Variants in COL6A6 observed in about 807,000 individuals in gnomAD.
COL6A6 encodes the protein collagen type VI alpha 6 chain, also known as collagen alpha-6(VI) chain.
In COL6A6, 183 loss-of-function variants were observed where a neutral mutation model predicts 208.6. The ratio of observed to expected loss-of-function variants is 0.88; its 90% confidence interval spans 0.78 to 0.99. The LOEUF is 0.99. COL6A6 is among the 50% of genes least tolerant of loss of function. The pLI, the probability that COL6A6 is intolerant of heterozygous loss-of-function variation, is 0.00. For missense variants in COL6A6, 2,816 were observed against 2,815.2 expected, an observed-to-expected ratio of 1.00 and a Z score of -0.01; for synonymous variants, 973 against 1,011.8, an observed-to-expected ratio of 0.96 and a Z score of 0.73.
In COL6A6 at chr3:130,567,213, A is replaced by G; in HGVS notation, c.1794A>G (p.Ala598=). 6.2e-7 allele frequency: 1 copy of G among 1,613,116 alleles called. No individual in the cohort carries two copies. ...TGTATTACGTGCATGACTTTGATGC[A>G]TTGAAAGACATAAGAAACCAAGTTG... ...KRVYYVHDFD[A]LKDIRNQVVQ... The change falls in exon 5 of 37, where the codon GCA becomes GCG. Residue 598 remains alanine, a synonymous_variant. Transcript: ENST00000358511.
intron 29 of COL6A6, among the ~76,000 whole-genome samples, chr3:130,642,442 ACTT>A (rs1308018908): frequency 6.6e-6 from 1 of 152,042 alleles, no homozygotes; most frequent in Non-Finnish European, 1.5e-5. Flanking sequence ...AGACCTTGAA[ACTT>A]CTGCTATGAA....
intron 20 of COL6A6, among the ~76,000 whole-genome samples, chr3:130,601,489 A>G (rs1263829050): frequency 6.6e-6 from 1 of 152,214 alleles, no homozygotes; most frequent in African/African-American, 2.4e-5. Flanking sequence ...TTCACTTTCT[A>G]AAAGGGTGTA....
rs753445066 is a variant in COL6A6, at chr3:130,563,429, G to A, written c.426G>A (p.Glu142=). 1.9e-6 allele frequency: 3 copies of A among 1,613,902 alleles called. No individual in the cohort carries two copies. Among genetic ancestry groups the A allele is most frequent in the Non-Finnish European group, 2.5e-6 (3 of 1,179,906 alleles). ...PPILVVLASS[E]SEDNVEEASK... ...TTCTAGTGGTCCTGGCTTCATCTGA[G>A]TCTGAGGATAATGTGGAAGAGGCAT... is the stretch of plus-strand genomic sequence containing the variant. The change falls in exon 3 of 37, where the codon GAG becomes GAA. Residue 142 remains glutamate (E), a synonymous_variant. Transcript: ENST00000358511.
rs2062999374 is a variant in COL6A6, at chr3:130,565,581, G to C, written c.1249G>C (p.Val417Leu). 6.2e-7 allele frequency: 1 copy of C among 1,613,344 alleles called. No homozygotes were observed. The highest frequency in any genetic ancestry group is 1.3e-5 in the African/African-American group (1 of 74,952). Residue 417 changes from valine (V) to leucine (L), a missense_variant, in exon 4 of 37, where the codon GTC becomes CTC. Transcript: ENST00000358511. Reference protein sequence around the residue: ...LRNQITHTVSVFSERTETLKS... With the variant: ...LRNQITHTVSLFSERTETLKS... ...GAACCAAATAACACACACAGTCTCT[G>C]TCTTTTCAGAGAGGACTGAAACGCT...
At position 130,644,984 on chromosome 3, in the gene COL6A6, T is replaced by C. The variant is rs2065426131; in HGVS notation, c.5228-7T>C. 1 of 1,611,736 alleles carries C rather than the reference T, an allele frequency of 6.2e-7. No homozygotes were observed. The highest frequency in any genetic ancestry group is 8.5e-7 in the Non-Finnish European group (1 of 1,178,042). Reference sequence around the variant, plus strand: ...ATAATCCAATCTCCTTTGTTCTTCTTCCCCAGCTGGCAGGCATGGTGAGTA... The same window carrying C: ...ATAATCCAATCTCCTTTGTTCTTCTCCCCCAGCTGGCAGGCATGGTGAGTA... On this transcript the variant is annotated splice_polypyrimidine_tract_variant and splice_region_variant and intron_variant, in intron 31 of 36. Transcript: ENST00000358511.
In COL6A6 at chr3:130,586,649, T is replaced by C; in HGVS notation, c.4114T>C (p.Ser1372Pro). The C allele has an allele frequency of 6.2e-7, 1 of 1,612,214 alleles. No individual in the cohort carries two copies. Among genetic ancestry groups the C allele is most frequent in the Non-Finnish European group, 8.5e-7 (1 of 1,179,320 alleles). Residue 1372 changes from serine to proline, a missense_variant, in exon 11 of 37, where the codon TCA (serine) becomes CCA (proline). By Grantham distance (74) the Ser-to-Pro change is moderately conservative (BLOSUM62 -1). Transcript: ENST00000358511. Reference protein sequence around the residue: ...IGMRELGSRLSKQLVNVAERT... With the variant: ...IGMRELGSRLPKQLVNVAERT... ...CATGAGAGAACTTGGAAGCCGGCTG[T>C]CAAAGCAGCTGGTAAGTTATTCTGA...
intron 3 of COL6A6, 26 bp downstream of exon 3, chr3:130,563,690 A>G (rs2062949527): frequency 6.9e-7 from 1 of 1,459,306 alleles, no homozygotes; most frequent in Non-Finnish European, 9.4e-7. Context: ...GTGTATAGGA[A>G]TGATGATAAA....
chr3:130,547,279 C>T (rs958567484), intron 1 of COL6A6, among the ~76,000 whole-genome samples: 2 of 152,262 alleles, frequency 1.3e-5, no homozygotes, highest in African/African-American at 4.8e-5. Flanking sequence ...GGACCCAGCG[C>T]CCCCTCTGCA....
At chr3:130,634,722 T>G in intron 27 of COL6A6, 97 bp downstream of exon 27, 2 of 856,450 alleles carry the variant, frequency 2.3e-6, no homozygotes, top group Non-Finnish European at 3.7e-6. Flanking sequence ...TAATGATAAA[T>G]AAATGTCCTA....
chr3:130,527,890 C>CTTTTTTTTTTTTTTTTTTTTTTTTTTT (rs56110472), intron 1 of COL6A6, among the ~76,000 whole-genome samples: 1 of 57,816 alleles, frequency 1.7e-5, no homozygotes. Context: ...GTTACTTTTC[C>CTTTTTTTTTTTTTTTTTTTTTTTTTTT]TTTTTTTTTT....
rs757410238 is a variant in COL6A6, at chr3:130,665,062, A to C, written c.6562A>C (p.Ile2188Leu). Residue 2188 changes from isoleucine to leucine, a missense_variant, in exon 36 of 37, where the codon ATA (isoleucine) becomes CTA (leucine). Transcript: ENST00000358511. Reference protein sequence around the residue: ...LKIKCNRLNSIDPKQPPRPFR... With the variant: ...LKIKCNRLNSLDPKQPPRPFR... ...AATAAAGTGCAACAGACTTAACTCTATAGATCCAAAGCAGCCCCCACGACC... is the reference window on the plus strand; with the variant it reads ...AATAAAGTGCAACAGACTTAACTCTCTAGATCCAAAGCAGCCCCCACGACC... The C allele has an allele frequency of 6.2e-7, 1 of 1,610,936 alleles. No individual in the cohort carries two copies. The highest frequency in any genetic ancestry group is 8.5e-7 in the Non-Finnish European group (1 of 1,178,586).
chr3:130,545,626 G>A (rs2062476706), intron 1 of COL6A6, among the ~76,000 whole-genome samples: 1 of 52,828 alleles, frequency 1.9e-5, no homozygotes, highest in South Asian at 4.4e-4. Context: ...GCTAAAGTTT[G>A]TATTTTTTTG....
chr3:130,640,206 G>T (rs190974112), intron 28 of COL6A6, among the ~76,000 whole-genome samples: 1 of 152,138 alleles, frequency 6.6e-6, no homozygotes, highest in Non-Finnish European at 1.5e-5. Context: ...CTTCTGGGAC[G>T]TATGATATAA....
chr3:130,642,787 T>C (rs776799090), intron 29 of COL6A6, 45 bp from the exon 30 acceptor site: 1 of 1,570,702 alleles, frequency 6.4e-7, no homozygotes, highest in East Asian at 2.2e-5. Flanking sequence ...GCTACTGATG[T>C]GTATGTCTAG....
intron 11 of COL6A6, among the ~76,000 whole-genome samples, chr3:130,587,404 G>C (rs1450536910): frequency 6.6e-6 from 1 of 152,202 alleles, no homozygotes; most frequent in African/African-American, 2.4e-5. Flanking sequence ...TGGGATTACC[G>C]GCGCCCGCCA....
intron 32 of COL6A6, among the ~76,000 whole-genome samples, chr3:130,645,649 G>A (rs2065444134): frequency 6.6e-6 from 1 of 152,134 alleles, no homozygotes; most frequent in Admixed American, 6.5e-5. Flanking sequence ...TGGTTAATTA[G>A]GGATTAAGAT....
At chr3:130,656,486 G>A (rs772723462) in intron 33 of COL6A6, among the ~76,000 whole-genome samples, 6 of 152,282 alleles carry the variant, frequency 3.9e-5, no homozygotes, top group East Asian at 1.9e-4. Context: ...GAGTCTGTCC[G>A]AGTCCAGGGT....
chr3:130,627,345 T>C lies in COL6A6; in HGVS notation c.4968T>C (p.Gly1656=). 3 of 1,613,754 alleles carry C rather than the reference T, an allele frequency of 1.9e-6. No homozygotes were observed. Among genetic ancestry groups the C allele is most frequent in the Non-Finnish European group, 2.5e-6 (3 of 1,179,690 alleles). ...GCAATGATGGCAGTCCAGGTTATGG[T>C]AGTGTCGGACGCAAGGGAGCAAAGG... ...LQGNDGSPGY[G]SVGRKGAKGQ... Residue 1656 remains glycine (G), a synonymous_variant, in exon 26 of 37, where the codon GGT becomes GGC. Transcript: ENST00000358511.
rs561206789 is a variant in COL6A6 at position 130,657,930 on chromosome 3, T to C, written c.5734-746T>C. ...ACAGTTTTTCTTTAATTATCAATGA[T>C]CTCTGGGTCAATTAGTGAAGCTCAT... On this transcript the variant is annotated intron_variant, in intron 33 of 36. Coordinates refer to ENST00000358511, the MANE Select transcript of COL6A6 (RefSeq NM_001102608.3). 6.6e-5 allele frequency among the ~76,000 whole-genome samples: 10 copies of C among 152,320 alleles called. No individual in the cohort carries two copies. In the East Asian group the frequency reaches 1.9e-3, roughly 29 times the overall value.
Sources: gnomAD v4.1 joint callset for allele counts (sites outside exome capture counted in the v4.1 genomes callset) on GRCh38, gnomAD v4.1.1 for gene constraint, MANE v1.5 for transcripts, NCBI Gene and HGNC (gene_info 2026-07-23, HGNC 2026-07-21) for gene names.